The following LARP4B variants were observed in gnomAD, a reference collection of about 807,000 sequenced individuals.
The protein encoded by LARP4B is La ribonucleoprotein 4B.
In LARP4B, 12 loss-of-function variants were observed where a neutral mutation model predicts 89.8. The observed-to-expected ratio is 0.13, with a 90% CI of 0.09 to 0.22. LARP4B has a LOEUF of 0.22. LARP4B is among the 10% of genes least tolerant of loss of function. The pLI is 1.00. For missense variants in LARP4B, 757 were observed against 947.7 expected (o/e 0.80, Z 2.64); for synonymous variants, 367 against 363.3 (o/e 1.01, Z -0.12).
chr10:912,035 C>G (rs1013663301), intron 1 of LARP4B, among the ~76,000 whole-genome samples: 1 of 152,208 alleles, frequency 6.6e-6, no homozygotes, highest in African/African-American at 2.4e-5. Context: ...TCACAGTGGG[C>G]TGACTGGGCC....
At chr10:909,051 T>C (rs982116754) in intron 1 of LARP4B, among the ~76,000 whole-genome samples, 4 of 152,004 alleles carry the variant, frequency 2.6e-5, no homozygotes, top group South Asian at 4.1e-4. Flanking sequence ...TCCCAGCACT[T>C]TGGGAGGCTG....
intron 5 of LARP4B, among the ~76,000 whole-genome samples, chr10:849,548 G>T (rs1019105564): frequency 6.6e-6 from 1 of 152,166 alleles, no homozygotes; most frequent in Non-Finnish European, 1.5e-5. Context: ...CCATACATAA[G>T]AATTTTAAAT....
intron 1 of LARP4B, among the ~76,000 whole-genome samples, chr10:918,477 T>C (rs1426322113): frequency 6.6e-6 from 1 of 151,268 alleles, no homozygotes; most frequent in African/African-American, 2.4e-5. Flanking sequence ...TACAAAAAAA[T>C]ACAAAAATTA....
At chr10:845,174 C>T (rs1833712525) in intron 5 of LARP4B, 119 bp from the exon 6 acceptor site, 1 of 629,728 alleles carries the variant, frequency 1.6e-6, no homozygotes, top group Admixed American at 3.1e-5. Flanking sequence ...TAAGTGTATC[C>T]TAAGTAAGAA....
chr10:956,397 G>C, the LARP4B span, among the ~76,000 whole-genome samples: 2 of 151,754 alleles, frequency 1.3e-5, no homozygotes, highest in African/African-American at 4.8e-5. The surrounding 1 kb of genome is among the most constrained non-coding windows in gnomAD (Gnocchi z 4.3). Context: ...CCAGGCTGGA[G>C]TGCAGTGGCG....
chr10:820,573 C>G (rs1471443645), intron 14 of LARP4B: 8 of 528,332 alleles, frequency 1.5e-5, no homozygotes, highest in Middle Eastern at 1.0e-3. Context: ...CACAACACGC[C>G]TGTGCACTGT....
At chr10:909,310 A>G (rs2132015413) in intron 1 of LARP4B, among the ~76,000 whole-genome samples, 2 of 151,314 alleles carry the variant, frequency 1.3e-5, no homozygotes, top group Non-Finnish European at 2.9e-5. Context: ...AAAAAAAAAA[A>G]AAGGAAATTC....
the LARP4B span, among the ~76,000 whole-genome samples, chr10:967,670 C>A: frequency 6.6e-6 from 1 of 152,130 alleles, no homozygotes; most frequent in Non-Finnish European, 1.5e-5. Context: ...CTGGGCCAGG[C>A]GGAGGCAACC....
intron 15 of LARP4B, among the ~76,000 whole-genome samples, chr10:815,897 A>G (rs749297): frequency 0.39 from 58,795 of 152,108 alleles, 12,155 homozygotes; most frequent in South Asian, 0.48. Flanking sequence ...GGTGGAAACA[A>G]GAGGGCAAAG....
upstream of LARP4B, among the ~76,000 whole-genome samples, chr10:932,253 C>A (rs1830656554): frequency 7.1e-6 from 1 of 140,044 alleles, no homozygotes; most frequent in Admixed American, 7.3e-5. Context: ...CCTGGCCCTT[C>A]CCCGAACTCC....
intron 3 of LARP4B, among the ~76,000 whole-genome samples, chr10:871,900 G>A (rs1459354393): frequency 2.6e-5 from 4 of 152,124 alleles, no homozygotes; most frequent in Non-Finnish European, 5.9e-5. Context: ...AACTCTGGTC[G>A]ACAACAACTG....
At chr10:925,785 C>T (rs1397629539) in intron 1 of LARP4B, among the ~76,000 whole-genome samples, 1 of 152,178 alleles carries the variant, frequency 6.6e-6, no homozygotes, top group South Asian at 2.1e-4. Context: ...CCACCCGCCT[C>T]GGCCTCCCAG....
At chr10:816,576 G>C (rs953517706) in intron 15 of LARP4B, among the ~76,000 whole-genome samples, 4 of 152,200 alleles carry the variant, frequency 2.6e-5, no homozygotes, top group African/African-American at 7.2e-5. Flanking sequence ...TCTGAAGCAG[G>C]GTTGGAGACC....
chr10:907,577 G>A (rs184271597), intron 1 of LARP4B, among the ~76,000 whole-genome samples: 56 of 152,250 alleles, frequency 3.7e-4, no homozygotes, highest in African/African-American at 9.4e-4. Flanking sequence ...AAGAAGTTCC[G>A]AAGTGGCAAA....
chr10:832,082 CGCCCAGGCCAGA>C (rs1832934776), intron 8 of LARP4B, among the ~76,000 whole-genome samples: 1 of 152,070 alleles, frequency 6.6e-6, no homozygotes, highest in African/African-American at 2.4e-5. Flanking sequence ...CTCGCTCTTT[CGCCCAGGCCAGA>C]GTTCAGTGGC....
At chr10:862,124 A>G (rs2131832902) in intron 5 of LARP4B, among the ~76,000 whole-genome samples, 1 of 152,288 alleles carries the variant, frequency 6.6e-6, no homozygotes, top group Admixed American at 6.5e-5. Flanking sequence ...TAGACGGGAA[A>G]TTCACTTTAT....
At chr10:856,814 T>A (rs1212489395) in intron 5 of LARP4B, among the ~76,000 whole-genome samples, 1 of 152,192 alleles carries the variant, frequency 6.6e-6, no homozygotes, top group Non-Finnish European at 1.5e-5. Flanking sequence ...TAACAAGGTC[T>A]GCCCTCAGGA....
chr10:823,523 C>G (rs1352720655), intron 13 of LARP4B, among the ~76,000 whole-genome samples: 1 of 151,998 alleles, frequency 6.6e-6, no homozygotes, highest in Non-Finnish European at 1.5e-5. Context: ...GCCCCACTTT[C>G]ATTTGCCAGG....
At chr10:962,721 A>G in the LARP4B span, among the ~76,000 whole-genome samples, 2 of 152,188 alleles carry the variant, frequency 1.3e-5, no homozygotes, top group Admixed American at 1.3e-4. Flanking sequence ...AGCTCTTGAA[A>G]AGCAAAATTT....
Sources: gnomAD v4.1 joint callset for allele counts (sites outside exome capture counted in the v4.1 genomes callset) on GRCh38, gnomAD v4.1.1 for gene constraint, Gnocchi (gnomAD v3.1) non-coding constraint, MANE v1.5 for transcripts, NCBI Gene and HGNC (gene_info 2026-07-23, HGNC 2026-07-21) for gene names.